IHO1: variants seen among roughly 807,000 people sequenced by gnomAD.
IHO1 encodes the protein interactor of HORMAD1 protein 1.
A neutral mutation model predicts 31.0 loss-of-function variants in IHO1; 13 were observed. The observed-to-expected ratio is 0.42, with a 90% CI of 0.27 to 0.67. The LOEUF (loss-of-function observed/expected upper bound fraction) is 0.67. IHO1 is among the 30% of genes least tolerant of loss of function. IHO1 has a pLI of 0.24. For missense variants in IHO1, 599 were observed against 687.5 expected (o/e 0.87, Z 1.44); for synonymous variants, 221 against 248.4 (o/e 0.89, Z 1.04).
intron 1 of IHO1, chr3:49,200,589 CCT>C (rs2046057674): frequency 1.0e-6 from 1 of 984,092 alleles, no homozygotes; most frequent in South Asian, 4.7e-5. Context: ...TCGGGGCGGT[CCT>C]CTCCCCCTCA....
At chr3:49,204,943 A>C (rs878897477) in intron 1 of IHO1, among the ~76,000 whole-genome samples, 1 of 151,704 alleles carries the variant, frequency 6.6e-6, no homozygotes, top group African/African-American at 2.4e-5. Context: ...CAGGAGAATC[A>C]CTTGAACCCG....
intron 2 of IHO1, chr3:49,228,295 A>T (rs1289774302): frequency 4.5e-6 from 2 of 448,706 alleles, no homozygotes; most frequent in African/African-American, 4.0e-5. Context: ...CAGGAAAAGC[A>T]GAAGCTGGTT....
chr3:49,250,688 G>A (rs186219610), intron 6 of IHO1, among the ~76,000 whole-genome samples: 96 of 152,232 alleles, frequency 6.3e-4, no homozygotes, highest in Non-Finnish European at 9.4e-4. Context: ...ATTGACACAT[G>A]GAATTGAACT....
At chr3:49,253,828 C>CTT (rs139087366) in intron 6 of IHO1, among the ~76,000 whole-genome samples, 499 of 72,214 alleles carry the variant, frequency 6.9e-3, no homozygotes, top group Non-Finnish European at 8.7e-3. Flanking sequence ...CTTTATTTGT[C>CTT]TTTTTTTTTT....
At chr3:49,195,014 G>A (rs1464233147), upstream of IHO1, among the ~76,000 whole-genome samples, 1 of 152,148 alleles carries the variant, frequency 6.6e-6, no homozygotes, top group Non-Finnish European at 1.5e-5. Flanking sequence ...ACTTGGGGAG[G>A]CCAAGGCAGG....
At chr3:49,197,920 C>A (rs749002674), upstream of IHO1, among the ~76,000 whole-genome samples, 1 of 151,826 alleles carries the variant, frequency 6.6e-6, no homozygotes, top group Admixed American at 6.6e-5. Flanking sequence ...TAAATATGTT[C>A]ATCACCCCAA....
At chr3:49,195,209 C>G (rs1242388288), upstream of IHO1, among the ~76,000 whole-genome samples, 1 of 151,170 alleles carries the variant, frequency 6.6e-6, no homozygotes, top group Non-Finnish European at 1.5e-5. Context: ...CACCTGAGGT[C>G]AGGAGTTCAA....
chr3:49,198,367 T>G (rs992227450), upstream of IHO1: 1 of 152,384 alleles, frequency 6.6e-6, no homozygotes, highest in Non-Finnish European at 1.5e-5. Flanking sequence ...CCTTCCAGAA[T>G]GCCTCATTCT....
At chr3:49,212,264 T>G (rs1281175107) in intron 2 of IHO1, among the ~76,000 whole-genome samples, 1 of 151,856 alleles carries the variant, frequency 6.6e-6, no homozygotes, top group Non-Finnish European at 1.5e-5. Context: ...CCCAGCACTT[T>G]GAGAGGCCCA....
chr3:49,247,538 C>T (rs1365380954), intron 6 of IHO1, among the ~76,000 whole-genome samples: 1 of 151,490 alleles, frequency 6.6e-6, no homozygotes, highest in African/African-American at 2.4e-5. Flanking sequence ...AGCCTAATCC[C>T]AGCACTTTGG....
At chr3:49,209,721 C>CT (rs577328597) in intron 1 of IHO1, among the ~76,000 whole-genome samples, 3,197 of 145,282 alleles carry the variant, frequency 0.022, 97 homozygotes, top group African/African-American at 0.07. Context: ...AATGACATGT[C>CT]TTTTTTTTTT....
chr3:49,244,858 T>C, intron 6 of IHO1, 125 bp downstream of exon 6: 1 of 829,206 alleles, frequency 1.2e-6, no homozygotes, highest in Non-Finnish European at 2.1e-6. Flanking sequence ...AGGATGGGTA[T>C]ATAGGGTTAG....
intron 1 of IHO1, among the ~76,000 whole-genome samples, chr3:49,207,041 CT>C (rs1364153831): frequency 8.5e-6 from 1 of 117,334 alleles, no homozygotes; most frequent in Admixed American, 1.0e-4. Context: ...GAGCAAGACT[CT>C]GTCTCAAAAA....
intron 2 of IHO1, among the ~76,000 whole-genome samples, chr3:49,212,817 C>T (rs561271322): frequency 2.0e-5 from 3 of 152,244 alleles, no homozygotes; most frequent in South Asian, 2.1e-4. Context: ...TGAGCAGGAG[C>T]AAGATTTATT....
intron 1 of IHO1, among the ~76,000 whole-genome samples, chr3:49,210,273 G>A (rs187883019): frequency 2.7e-4 from 40 of 149,050 alleles, no homozygotes; most frequent in Admixed American, 6.0e-4. Context: ...TTTTTTCTTC[G>A]TCGCCCAAGC....
chr3:49,252,668 C>T (rs890497083), intron 6 of IHO1, among the ~76,000 whole-genome samples: 10 of 152,148 alleles, frequency 6.6e-5, no homozygotes, highest in African/African-American at 1.7e-4. Flanking sequence ...GCAATCCTCC[C>T]GCCTCAGTGG....
intron 1 of IHO1, among the ~76,000 whole-genome samples, chr3:49,204,475 C>T (rs2046108845): frequency 6.6e-6 from 1 of 152,024 alleles, no homozygotes; most frequent in Non-Finnish European, 1.5e-5. Context: ...TTAATGATTA[C>T]TAGTTATGTG....
intron 6 of IHO1, among the ~76,000 whole-genome samples, chr3:49,250,899 G>A (rs985276823): frequency 2.0e-5 from 3 of 151,878 alleles, no homozygotes; most frequent in East Asian, 2.0e-4. Context: ...GCGTGGTGGC[G>A]CATGCCTCCA....
At chr3:49,195,111 A>C (rs1575558360), upstream of IHO1, among the ~76,000 whole-genome samples, 1 of 151,978 alleles carries the variant, frequency 6.6e-6, no homozygotes, top group Non-Finnish European at 1.5e-5. Context: ...AATTTTAAAA[A>C]TGTAATAATT....
Sources: gnomAD v4.1 joint callset for allele counts (sites outside exome capture counted in the v4.1 genomes callset) on GRCh38, gnomAD v4.1.1 for gene constraint, MANE v1.5 for transcripts, NCBI Gene and HGNC (gene_info 2026-07-23, HGNC 2026-07-21) for gene names.